Variants in COPZ1 observed in about 807,000 individuals in gnomAD.
COPZ1 encodes coat protein complex I subunit zeta 1.
Under a neutral mutation model 31.7 loss-of-function variants are expected in COPZ1, and 4 were observed. That is an observed-to-expected ratio of 0.13 (90% confidence interval 0.06 to 0.29). COPZ1 has a LOEUF of 0.29. Among genes scored for constraint, COPZ1 ranks in the 10% least tolerant of loss-of-function variants. The pLI is 1.00. For missense variants in COPZ1, 156 were observed against 211.5 expected (o/e 0.74, Z 1.63); for synonymous variants, 74 against 79.0 (o/e 0.94, Z 0.33).
rs763597809 is a variant in COPZ1 at position 54,344,362 on chromosome 12, G to A, written c.261+1046G>A. On this transcript the variant is annotated intron_variant, in intron 4 of 8. Transcript: ENST00000262061. ...TGGGAGGCCGAGGCAGGCGGATCAC[G>A]AAGTCAGGAGATTGAGACCATCCTG... Among the ~76,000 whole-genome samples, 78 of 152,220 alleles carry A rather than the reference G, an allele frequency of 5.1e-4. 1 individual carries two copies. Among genetic ancestry groups the A allele is most frequent in the Non-Finnish European group, 2.6e-4 (18 of 68,000 alleles).
At chr12:54,325,212 T>C in intron 1 of COPZ1, 31 bp downstream of exon 1, 1 of 1,553,706 alleles carries the variant, frequency 6.4e-7, no homozygotes, top group Non-Finnish European at 8.7e-7. Context: ...AGAGATGCTG[T>C]GGTGTCCACA....
intron 1 of COPZ1, among the ~76,000 whole-genome samples, chr12:54,330,519 T>A (rs192819057): frequency 6.6e-6 from 1 of 152,202 alleles, no homozygotes; most frequent in Non-Finnish European, 1.5e-5. Flanking sequence ...CCTGGCAAGG[T>A]ATAAATTATA....
At chr12:54,345,661 T>A (rs1954048702) in intron 5 of COPZ1, 146 bp downstream of exon 5, 1 of 660,710 alleles carries the variant, frequency 1.5e-6, no homozygotes. Context: ...TGATTTAGTT[T>A]TAGAAGTTGG....
chr12:54,342,282 C>T lies in COPZ1; in HGVS notation c.164C>T (p.Thr55Ile). 6.2e-7 allele frequency: 1 copy of T among 1,613,136 alleles called. No homozygotes were observed. Among genetic ancestry groups the T allele is most frequent in the Non-Finnish European group, 8.5e-7 (1 of 1,179,068 alleles). Residue 55 changes from threonine (T) to isoleucine (I), a missense_variant, in exon 3 of 9, where the codon ACT (threonine) becomes ATT (isoleucine). Thr to Ile is a moderately conservative substitution (Grantham distance 89). Transcript: ENST00000262061. ...AACATTTTCAACAAGACCCATCGGA[C>T]TGACAGTAGGTCATTTTCCTTTCAC... ...EKNIFNKTHR[T>I]DSEIALLEGL...
chr12:54,345,202 T>A (rs1954042451), intron 4 of COPZ1: 1 of 428,616 alleles, frequency 2.3e-6, no homozygotes, highest in African/African-American at 2.0e-5. Context: ...GGTGAAGACA[T>A]TGTAGAGGAC....
intron 1 of COPZ1, among the ~76,000 whole-genome samples, chr12:54,336,239 C>T (rs1565591794): frequency 6.6e-6 from 1 of 152,168 alleles, no homozygotes; most frequent in Non-Finnish European, 1.5e-5. Flanking sequence ...GTTTGTCCTA[C>T]AAGACACACA....
At chr12:54,348,727 ACT>A (rs1285667527) in intron 7 of COPZ1, among the ~76,000 whole-genome samples, 20 of 151,864 alleles carry the variant, frequency 1.3e-4, no homozygotes. Flanking sequence ...ACAGAGTGAG[ACT>A]CTGTCTCAAA....
intron 5 of COPZ1, among the ~76,000 whole-genome samples, chr12:54,347,139 A>G (rs1954078273): frequency 6.6e-6 from 1 of 152,116 alleles, no homozygotes; most frequent in Non-Finnish European, 1.5e-5. Flanking sequence ...GGGATGATTT[A>G]TTTCTTATCC....
intron 8 of COPZ1, chr12:54,349,886 T>C: frequency 4.9e-6 from 3 of 614,990 alleles, no homozygotes; most frequent in East Asian, 5.4e-5. Flanking sequence ...CCTTGCTCTG[T>C]ACCCTTCAAA....
intron 1 of COPZ1, 145 bp downstream of exon 1, chr12:54,325,326 GC>G: frequency 9.2e-7 from 1 of 1,088,960 alleles, no homozygotes; most frequent in East Asian, 2.6e-5. Context: ...TAAGTGTGTG[GC>G]CTAGTGTAGG....
intron 1 of COPZ1, among the ~76,000 whole-genome samples, chr12:54,334,570 C>T (rs2137091783): frequency 1.3e-5 from 2 of 151,226 alleles, no homozygotes; most frequent in Non-Finnish European, 3.0e-5. Context: ...AAAGTTGGCA[C>T]AGGCTGGGCA....
chr12:54,325,770 A>C (rs968855907), intron 1 of COPZ1: 2 of 139,476 alleles, frequency 1.4e-5, no homozygotes, highest in Non-Finnish European at 3.1e-5. Context: ...TAGACTCCTT[A>C]TTCTGTTCTC....
intron 1 of COPZ1, among the ~76,000 whole-genome samples, chr12:54,337,970 C>T (rs924208181): frequency 2.0e-5 from 3 of 152,164 alleles, no homozygotes; most frequent in African/African-American, 7.2e-5. Flanking sequence ...CTCTCTTTGC[C>T]GGTGTGGCTG....
intron 5 of COPZ1, chr12:54,346,488 G>T: frequency 3.5e-6 from 2 of 566,050 alleles, no homozygotes; most frequent in East Asian, 6.6e-5. Flanking sequence ...GGCCAGGCTG[G>T]TCTTGAACTC....
rs140095206 is a variant in COPZ1 at position 54,346,848 on chromosome 12, C to T, written c.318-919C>T. 4.5e-3 allele frequency among the ~76,000 whole-genome samples: 678 copies of T among 152,160 alleles called. 3 individuals are homozygous for T. Among genetic ancestry groups the T allele is most frequent in the Admixed American group, 6.8e-3 (104 of 15,282 alleles). ...TCCAGCCTAGGTGACATAGCAAGAC[C>T]CTGTCTCAAAAAACAAAACAAAACA... On this transcript the variant is annotated intron_variant, in intron 5 of 8. Coordinates refer to ENST00000262061, the MANE Select transcript of COPZ1 (RefSeq NM_016057.3).
At chr12:54,349,899 C>G (rs1954119474) in intron 8 of COPZ1, 1 of 603,634 alleles carries the variant, frequency 1.7e-6, no homozygotes, top group East Asian at 2.8e-5. Flanking sequence ...CCTTCAAACC[C>G]TCCCTGCCTG....
In COPZ1 at chr12:54,349,628, T is replaced by G; in HGVS notation, c.456T>G (p.Asp152Glu). The G allele has an allele frequency of 6.2e-7, 1 of 1,612,672 alleles. No homozygotes were observed. Among genetic ancestry groups the G allele is most frequent in the Non-Finnish European group, 8.5e-7 (1 of 1,178,626 alleles). ...VVHRVALRGE[D>E]VPLTEQTVSQ... ...GTATCTCTGTGCCATAGGGTGAAGA[T>G]GTCCCCCTTACGGAGCAGACCGTGT... is the stretch of plus-strand genomic sequence containing the variant. The change falls in exon 8 of 9, where the codon GAT becomes GAG. Residue 152 changes from aspartate to glutamate, a missense_variant. Physicochemically the swap from Asp to Glu is conservative, Grantham distance 45. Transcript: ENST00000262061.
intron 1 of COPZ1, among the ~76,000 whole-genome samples, chr12:54,333,491 A>G (rs763684473): frequency 3.7e-4 from 56 of 152,198 alleles, no homozygotes; most frequent in South Asian, 6.2e-4. Flanking sequence ...TCTCTGATGA[A>G]GAAGCTGAAT....
chr12:54,342,061 A>G (rs912205138), intron 2 of COPZ1, 145 bp from the exon 3 acceptor site: 18 of 631,558 alleles, frequency 2.9e-5, no homozygotes, highest in Middle Eastern at 2.5e-4. Flanking sequence ...CTGCCTCTAC[A>G]ATCCTTCCTT....
Sources: allele counts gnomAD v4.1 joint callset (sites outside exome capture counted in the v4.1 genomes callset), GRCh38; gene constraint gnomAD v4.1.1; transcripts MANE v1.5; gene names NCBI Gene and HGNC (gene_info 2026-07-23, HGNC 2026-07-21).